Variants in PFKP observed in about 807,000 individuals in gnomAD.
The protein encoded by PFKP is phosphofructokinase, platelet.
A neutral mutation model predicts 94.3 loss-of-function variants in PFKP; 101 were observed. The ratio of observed to expected loss-of-function variants is 1.07; its 90% CI spans 0.91 to 1.26. The LOEUF is 1.26. Among genes scored for constraint, PFKP ranks in the 50% most tolerant of loss-of-function variants. PFKP has a pLI of 0.00. For synonymous variants in PFKP, 573 were observed against 432.6 expected (o/e 1.32, Z -4.03); for missense variants, 1,145 against 1,103.3 (o/e 1.04, Z -0.53).
intron 16 of PFKP, among the ~76,000 whole-genome samples, chr10:3,122,530 A>C (rs78014565): frequency 1.3e-5 from 2 of 152,212 alleles, no homozygotes; most frequent in Non-Finnish European, 2.9e-5. Context: ...CTGGCCATAG[A>C]AGAACATGAG....
chr10:3,109,917 G>A (rs1836001806), intron 10 of PFKP, among the ~76,000 whole-genome samples: 1 of 151,958 alleles, frequency 6.6e-6, no homozygotes, highest in South Asian at 2.1e-4. Flanking sequence ...AGGCAGGGAG[G>A]CGGGCGTGAG....
At position 3,074,935 on chromosome 10, in the gene PFKP, C is replaced by T. The variant is rs56916020; in HGVS notation, c.112+7228C>T. On this transcript the variant is annotated intron_variant, in intron 1 of 21. Coordinates refer to ENST00000381125, the MANE Select transcript of PFKP (RefSeq NM_002627.5). ...TCCGTGGTCTCACAGCCTTCAGAGC[C>T]GAGAGCCCAGAACAGAGATTTACCC... Among the ~76,000 whole-genome samples, 526 of 152,230 alleles carry T rather than the reference C, an allele frequency of 3.5e-3. 9 individuals are homozygous for T. The highest frequency in any genetic ancestry group is 0.012 in the African/African-American group (484 of 41,516).
intron 1 of PFKP, among the ~76,000 whole-genome samples, chr10:3,073,217 A>G (rs1300787502): frequency 6.6e-6 from 1 of 151,730 alleles, no homozygotes; most frequent in Non-Finnish European, 1.5e-5. Context: ...CTGAGTGCTG[A>G]GATAGGGTCT....
At position 3,112,300 on chromosome 10, in the gene PFKP, G is replaced by T; in HGVS notation, c.1154+14G>T. The T allele has an allele frequency of 1.9e-6, 3 of 1,606,976 alleles. No individual in the cohort carries two copies. The Admixed American group carries it at 5.0e-5, about 27-fold the overall frequency. On this transcript the variant is annotated intron_variant, in intron 11 of 21. Coordinates refer to ENST00000381125, the MANE Select transcript of PFKP (RefSeq NM_002627.5). ...ACTCCGAGGGAGGTGAGGTGCTTTGGAGAAAGCTCTGCCCTGTCAGGAACA... is the reference window on the plus strand; with the variant it reads ...ACTCCGAGGGAGGTGAGGTGCTTTGTAGAAAGCTCTGCCCTGTCAGGAACA...
chr10:3,093,114 G>T (rs935046955), intron 2 of PFKP, among the ~76,000 whole-genome samples: 1 of 152,212 alleles, frequency 6.6e-6, no homozygotes, highest in Non-Finnish European at 1.5e-5. Context: ...ATGTGTGGAA[G>T]GGGCTGGCCG....
chr10:3,081,203 T>C (rs930205041), intron 1 of PFKP, among the ~76,000 whole-genome samples: 4 of 152,346 alleles, frequency 2.6e-5, no homozygotes, highest in Admixed American at 6.5e-5. Context: ...TCATTCAGAA[T>C]TGTCAACTTT....
intron 1 of PFKP, among the ~76,000 whole-genome samples, chr10:3,070,709 A>G (rs1000644307): frequency 6.6e-6 from 1 of 152,102 alleles, no homozygotes; most frequent in Non-Finnish European, 1.5e-5. Flanking sequence ...AGCAAAACAG[A>G]TCTTAATTCC....
chr10:3,110,384 T>C (rs1408380409), intron 10 of PFKP, among the ~76,000 whole-genome samples: 1 of 144,244 alleles, frequency 6.9e-6, no homozygotes, highest in East Asian at 2.0e-4. Flanking sequence ...TTTTTTTTTT[T>C]TTTTTGTATT....
intron 14 of PFKP, 24 bp from the exon 15 acceptor site, chr10:3,118,758 C>T (rs1274858919): frequency 5.1e-6 from 8 of 1,583,988 alleles, no homozygotes; most frequent in Admixed American, 5.0e-5. Context: ...TGTCTGACAT[C>T]GTTCTCCACG....
At chr10:3,131,129 G>GT (rs916528769) in intron 17 of PFKP, among the ~76,000 whole-genome samples, 5 of 151,926 alleles carry the variant, frequency 3.3e-5, no homozygotes, top group African/African-American at 7.2e-5. Flanking sequence ...ATAAAAAGAT[G>GT]TTTTTTATCA....
At chr10:3,133,164 T>C (rs1838792822) in intron 18 of PFKP, 39 bp from the exon 19 acceptor site, 2 of 1,498,886 alleles carry the variant, frequency 1.3e-6, no homozygotes, top group Non-Finnish European at 1.9e-6. Flanking sequence ...ACGTGCCCAC[T>C]GCACGCTAAA....
chr10:3,112,279 C>G lies in PFKP; in HGVS notation c.1147C>G (p.Arg383Gly). 6.2e-7 allele frequency: 1 copy of G among 1,612,846 alleles called. No individual in the cohort carries two copies. Among genetic ancestry groups the G allele is most frequent in the Non-Finnish European group, 8.5e-7 (1 of 1,178,842 alleles). Reference protein sequence around the residue: ...ERRFQDAVRLRGRSFAGNLNT... With the variant: ...ERRFQDAVRLGGRSFAGNLNT... ...GAGATTTCAAGATGCGGTTCGACTC[C>G]GAGGGAGGTGAGGTGCTTTGGAGAA... Residue 383 changes from arginine to glycine, a missense_variant, in exon 11 of 22, where the codon CGA becomes GGA. Arg to Gly is a moderately radical substitution (Grantham distance 125). Transcript: ENST00000381125.
At position 3,136,703 on chromosome 10, in the gene PFKP, C is replaced by A; in HGVS notation, c.*124C>A. 1.1e-6 allele frequency: 1 copy of A among 947,872 alleles called. No homozygotes were observed. Among genetic ancestry groups the A allele is most frequent in the Non-Finnish European group, 1.6e-6 (1 of 628,724 alleles). The allele number at this position is 947,872 out of a possible 1,614,324, so 58.7% of individuals were successfully genotyped here. A position where few individuals can be genotyped will look rare whatever the true frequency, so the allele number is the denominator to read the frequency against. ...TAATACCTAATCGGCGAGTGCCCAT[C>A]TGCCCCACCTGCTCCAGTGCGTGCT... On this transcript the variant is annotated 3_prime_UTR_variant, in exon 22 of 22. Transcript: ENST00000381125.
chr10:3,132,612 C>T (rs973328333), intron 18 of PFKP, among the ~76,000 whole-genome samples, 171 bp downstream of exon 18: 1 of 143,100 alleles, frequency 7.0e-6, no homozygotes, highest in Admixed American at 7.1e-5. Context: ...AAAGGCTTGC[C>T]TGCATTTAGA....
chr10:3,131,689 C>T (rs976132308), intron 17 of PFKP, among the ~76,000 whole-genome samples: 1 of 152,038 alleles, frequency 6.6e-6, no homozygotes, highest in South Asian at 2.1e-4. Flanking sequence ...AAACTCCTGA[C>T]CTCAGGCAAT....
intron 1 of PFKP, among the ~76,000 whole-genome samples, chr10:3,080,018 G>C (rs1564267140): frequency 6.6e-6 from 1 of 152,142 alleles, no homozygotes; most frequent in Admixed American, 6.6e-5. Flanking sequence ...TTTCCTGGGA[G>C]GTGCCAGAGC....
At chr10:3,111,211 T>A (rs560432685) in intron 10 of PFKP, among the ~76,000 whole-genome samples, 2 of 152,142 alleles carry the variant, frequency 1.3e-5, no homozygotes, top group Non-Finnish European at 2.9e-5. Context: ...CCTGCATGTT[T>A]GTGTGTGTGT....
At chr10:3,121,796 T>C (rs1837436791) in intron 16 of PFKP, among the ~76,000 whole-genome samples, 1 of 20,926 alleles carries the variant, frequency 4.8e-5, no homozygotes, top group Non-Finnish European at 1.1e-4. Context: ...ACAATTTCTT[T>C]TTTTTTCTTT....
Position 3,113,502 on chromosome 10 carries a change from G to T in PFKP, c.1355G>T (p.Gly452Val). ...RMLAIYDGFD[G>V]FAKGQIKEIG... Reference sequence around the variant, plus strand: ...CTCGCCATCTATGATGGCTTTGACGGCTTCGCCAAGGGCCAGGTGAGTCAC... The same window carrying T: ...CTCGCCATCTATGATGGCTTTGACGTCTTCGCCAAGGGCCAGGTGAGTCAC... The change falls in exon 13 of 22, where the codon GGC becomes GTC. Residue 452 changes from glycine (G) to valine (V), a missense_variant. Physicochemically the swap from Gly to Val is moderately radical, Grantham distance 109. Coordinates refer to ENST00000381125, the MANE Select transcript of PFKP (RefSeq NM_002627.5). 6.2e-7 allele frequency: 1 copy of T among 1,612,930 alleles called. No individual in the cohort carries two copies. The highest frequency in any genetic ancestry group is 8.5e-7 in the Non-Finnish European group (1 of 1,179,922).
Sources: gnomAD v4.1 joint callset for allele counts (sites outside exome capture counted in the v4.1 genomes callset) on GRCh38, gnomAD v4.1.1 for gene constraint, MANE v1.5 for transcripts, NCBI Gene and HGNC (gene_info 2026-07-23, HGNC 2026-07-21) for gene names.